The following FOXP2 variants were observed in gnomAD, a reference collection of about 807,000 sequenced individuals.
FOXP2 encodes the protein forkhead box P2.
Under a neutral mutation model 115.8 loss-of-function variants are expected in FOXP2, and 12 were observed. That is an observed-to-expected ratio of 0.10 (90% CI 0.07 to 0.17). FOXP2 has a LOEUF of 0.17. FOXP2 is among the 10% of genes least tolerant of loss of function. FOXP2 has a pLI of 1.00. For synonymous variants in FOXP2, 328 were observed against 297.7 expected (o/e 1.10, Z -1.05); for missense variants, 629 against 843.5 (o/e 0.75, Z 3.15).
chr7:114,250,342 C>A (rs938305515), intron 1 of FOXP2, among the ~76,000 whole-genome samples: 5 of 152,170 alleles, frequency 3.3e-5, no homozygotes, highest in African/African-American at 1.2e-4. Flanking sequence ...AATGGCATTT[C>A]TAGTTCTAGA....
intron 2 of FOXP2, among the ~76,000 whole-genome samples, chr7:114,331,452 T>C (rs1242472716): frequency 6.6e-6 from 1 of 152,176 alleles, no homozygotes; most frequent in Non-Finnish European, 1.5e-5. Context: ...TAGCTAAGAT[T>C]AAGCACTAAG....
At chr7:114,258,510 T>A (rs2129170855) in intron 1 of FOXP2, among the ~76,000 whole-genome samples, 1 of 152,300 alleles carries the variant, frequency 6.6e-6, no homozygotes, top group South Asian at 2.1e-4. Context: ...CAGAACTTTA[T>A]GACAGAATGA....
intron 8 of FOXP2, among the ~76,000 whole-genome samples, chr7:114,651,870 C>G (rs1280581807): frequency 6.6e-6 from 1 of 152,044 alleles, no homozygotes; most frequent in Non-Finnish European, 1.5e-5. Flanking sequence ...GCTTTTGGTT[C>G]ATAGATTTGT....
At chr7:114,093,842 T>A (rs765316367) in intron 1 of FOXP2, among the ~76,000 whole-genome samples, 1 of 152,084 alleles carries the variant, frequency 6.6e-6, no homozygotes, top group Non-Finnish European at 1.5e-5. Context: ...GAGTGAATAT[T>A]TGTGGTTTTG....
intron 6 of FOXP2, among the ~76,000 whole-genome samples, chr7:114,640,765 A>G (rs948774213): frequency 6.6e-5 from 10 of 152,148 alleles, no homozygotes; most frequent in African/African-American, 2.4e-4. Flanking sequence ...TTGCACTTTC[A>G]TCTTTATATT....
intron 3 of FOXP2, among the ~76,000 whole-genome samples, chr7:114,608,359 T>C (rs1803446404): frequency 1.3e-5 from 2 of 152,282 alleles, no homozygotes; most frequent in African/African-American, 2.4e-5. Context: ...CTTTTTTTTA[T>C]AGCTAATATG....
intron 1 of FOXP2, among the ~76,000 whole-genome samples, chr7:114,257,707 C>T (rs1194990734): frequency 6.6e-6 from 1 of 152,082 alleles, no homozygotes. Flanking sequence ...CCAGCTTCGG[C>T]CTCCCAAAGT....
chr7:114,315,542 C>T (rs1797255850), intron 2 of FOXP2, among the ~76,000 whole-genome samples: 1 of 152,024 alleles, frequency 6.6e-6, no homozygotes, highest in South Asian at 2.1e-4. Context: ...GTCACCCATA[C>T]TAGCTATTAA....
intron 2 of FOXP2, among the ~76,000 whole-genome samples, chr7:114,475,661 A>C (rs992592529): frequency 2.0e-5 from 3 of 152,074 alleles, no homozygotes; most frequent in Non-Finnish European, 4.4e-5. Flanking sequence ...TTCAAAAGTC[A>C]TTTAGAGAAA....
intron 4 of FOXP2, chr7:114,629,467 A>AT: frequency 1.2e-6 from 1 of 807,590 alleles, no homozygotes; most frequent in Non-Finnish European, 1.9e-6. Flanking sequence ...CTAAATTTTT[A>AT]TTCTTACAAC....
intron 1 of FOXP2, among the ~76,000 whole-genome samples, chr7:114,098,494 C>A (rs879194207): frequency 1.3e-5 from 2 of 152,038 alleles, no homozygotes; most frequent in Non-Finnish European, 2.9e-5. Context: ...CTTCAATAAA[C>A]GGTGCTGGGA....
chr7:114,120,927 T>C (rs973344248), intron 1 of FOXP2, among the ~76,000 whole-genome samples: 18 of 151,900 alleles, frequency 1.2e-4, no homozygotes, highest in African/African-American at 2.4e-4. Context: ...TTGATGCAAT[T>C]TGATGGTCGG....
intron 3 of FOXP2, among the ~76,000 whole-genome samples, chr7:114,583,375 C>T (rs953499457): frequency 6.9e-6 from 1 of 145,600 alleles, no homozygotes; most frequent in African/African-American, 2.5e-5. Flanking sequence ...AAGCCTGTCT[C>T]AAAAAAAAAA....
At chr7:114,535,041 G>C (rs1295810802) in intron 3 of FOXP2, among the ~76,000 whole-genome samples, 1 of 151,688 alleles carries the variant, frequency 6.6e-6, no homozygotes, top group Non-Finnish European at 1.5e-5. Context: ...TAAAAGCAAA[G>C]TTATAGTAAA....
intron 2 of FOXP2, among the ~76,000 whole-genome samples, chr7:114,500,650 T>G (rs528050601): frequency 7.2e-5 from 11 of 152,164 alleles, no homozygotes; most frequent in Non-Finnish European, 1.2e-4. Flanking sequence ...GATGAATAAG[T>G]TGAGGCGTCT....
At chr7:114,596,104 G>A (rs1802686017) in intron 3 of FOXP2, among the ~76,000 whole-genome samples, 1 of 146,540 alleles carries the variant, frequency 6.8e-6, no homozygotes. Context: ...AAAACACAGT[G>A]ATTAAAAATG....
chr7:114,276,065 T>C (rs1010991776), intron 1 of FOXP2, among the ~76,000 whole-genome samples: 1 of 152,214 alleles, frequency 6.6e-6, no homozygotes, highest in African/African-American at 2.4e-5. Flanking sequence ...GATAATGTGA[T>C]ACTATCCCAG....
intron 2 of FOXP2, among the ~76,000 whole-genome samples, chr7:114,483,202 G>C (rs1176856125): frequency 6.6e-6 from 1 of 151,270 alleles, no homozygotes; most frequent in Admixed American, 6.6e-5. Context: ...AACATCACCA[G>C]ACTAAAATTT....
At chr7:114,512,627 T>C (rs1798130791) in intron 2 of FOXP2, among the ~76,000 whole-genome samples, 1 of 152,144 alleles carries the variant, frequency 6.6e-6, no homozygotes, top group South Asian at 2.1e-4. Flanking sequence ...TAAGGAATAT[T>C]GTCTTTAAGA....
Sources: gnomAD v4.1 joint callset for allele counts (sites outside exome capture counted in the v4.1 genomes callset) on GRCh38, gnomAD v4.1.1 for gene constraint, MANE v1.5 for transcripts, NCBI Gene and HGNC (gene_info 2026-07-23, HGNC 2026-07-21) for gene names.